Variants in LHPP observed in about 807,000 individuals in gnomAD.
LHPP encodes phospholysine phosphohistidine inorganic pyrophosphate phosphatase, also known as hLHPP.
In LHPP, 24 loss-of-function variants were observed where a neutral mutation model predicts 30.3. That is an observed-to-expected ratio of 0.79 (90% CI 0.57 to 1.11). The LOEUF is 1.11. LHPP is among the 50% of genes most tolerant of loss of function. The pLI is 0.00. For missense variants in LHPP, 356 were observed against 367.2 expected (o/e 0.97, Z 0.25); for synonymous variants, 150 against 157.1 (o/e 0.95, Z 0.34).
intron 1 of LHPP, among the ~76,000 whole-genome samples, chr10:124,472,040 A>C (rs932595999): frequency 2.0e-5 from 3 of 151,834 alleles, no homozygotes; most frequent in African/African-American, 7.2e-5. Context: ...GGCTGGGTGC[A>C]GTGGCTCACG....
intron 2 of LHPP, 149 bp from the exon 3 acceptor site, chr10:124,488,273 G>T: frequency 1.4e-6 from 1 of 718,992 alleles, no homozygotes; most frequent in South Asian, 1.7e-5. Flanking sequence ...ACCCTTCTGT[G>T]TCTACCTCCC....
At chr10:124,542,486 G>T (rs1268029706) in intron 6 of LHPP, among the ~76,000 whole-genome samples, 1 of 152,152 alleles carries the variant, frequency 6.6e-6, no homozygotes, top group African/African-American at 2.4e-5. Context: ...GGGTCTCCCT[G>T]GGACTGGAGA....
chr10:124,602,192 G>A (rs534567203), intron 6 of LHPP, among the ~76,000 whole-genome samples: 11 of 152,218 alleles, frequency 7.2e-5, no homozygotes, highest in Non-Finnish European at 1.3e-4. Flanking sequence ...CGAGGGAGAC[G>A]AACCAGGTTT....
At chr10:124,462,066 G>C in intron 1 of LHPP, 79 bp downstream of exon 1, 18 of 1,142,604 alleles carry the variant, frequency 1.6e-5, no homozygotes, top group Non-Finnish European at 1.7e-5. Context: ...AGGGGGCGGG[G>C]CGGCAGGGGG....
chr10:124,556,298 G>T (rs112462397), intron 6 of LHPP, among the ~76,000 whole-genome samples: 43 of 152,292 alleles, frequency 2.8e-4, no homozygotes, highest in South Asian at 1.9e-3. Context: ...GCTGTTTTGG[G>T]ACATCTCTTC....
intron 6 of LHPP, among the ~76,000 whole-genome samples, chr10:124,543,775 ATAT>A (rs1955263537): frequency 1.3e-5 from 1 of 78,956 alleles, no homozygotes; most frequent in African/African-American, 3.1e-5. Context: ...TTAAAAATTA[ATAT>A]ATTTTTTTTT....
chr10:124,599,557 C>T (rs1324196878), intron 6 of LHPP, among the ~76,000 whole-genome samples: 1 of 152,252 alleles, frequency 6.6e-6, no homozygotes, highest in African/African-American at 2.4e-5. Flanking sequence ...CAGCTGCCAG[C>T]CCTCCCCGCT....
At chr10:124,601,771 C>T (rs1949025592) in intron 6 of LHPP, among the ~76,000 whole-genome samples, 3 of 152,258 alleles carry the variant, frequency 2.0e-5, no homozygotes, top group African/African-American at 4.8e-5. Flanking sequence ...CCCCGCCAGG[C>T]CCCACTGCTC....
rs1954494584 is a variant in LHPP at position 124,517,672 on chromosome 10, G to A, written c.716+401G>A. ...CCTTGGACAGCCTCCCTCTCCTTTTGTTCACTTTCTCCACTCTGTAAGACA... is the reference window on the plus strand; with the variant it reads ...CCTTGGACAGCCTCCCTCTCCTTTTATTCACTTTCTCCACTCTGTAAGACA... On this transcript the variant is annotated intron_variant, in intron 6 of 6. Transcript: ENST00000368842. This position sits in a 1 kb window ranked among gnomAD's most constrained non-coding sequence, Gnocchi z 4.1. Among the ~76,000 whole-genome samples, 1 of 152,152 alleles carries A rather than the reference G, an allele frequency of 6.6e-6. No individual in the cohort carries two copies. The highest frequency in any genetic ancestry group is 6.5e-5 in the Admixed American group (1 of 15,282).
rs531170383 is a variant in LHPP at position 124,535,542 on chromosome 10, C to T, written c.716+18271C>T. 2.8e-3 allele frequency among the ~76,000 whole-genome samples: 422 copies of T among 152,082 alleles called. 1 individual carries two copies. Among genetic ancestry groups the T allele is most frequent in the African/African-American group, 9.9e-3 (412 of 41,460 alleles). ...TCCCAAGTAGCCGGGACTATAGGCA[C>T]ATGCCACAATGCCTGGCTAATTAAA... On this transcript the variant is annotated intron_variant, in intron 6 of 6. Transcript: ENST00000368842.
chr10:124,601,011 C>T (rs1299548224), intron 6 of LHPP, among the ~76,000 whole-genome samples: 1 of 152,138 alleles, frequency 6.6e-6, no homozygotes, highest in African/African-American at 2.4e-5. Context: ...GCAGAGTGGG[C>T]ACCTAACTGA....
intron 6 of LHPP, among the ~76,000 whole-genome samples, chr10:124,530,777 C>A (rs1284464142): frequency 1.3e-5 from 2 of 152,234 alleles, no homozygotes; most frequent in African/African-American, 2.4e-5. Flanking sequence ...TGCCACCCTT[C>A]ACGGGTGCAG....
At chr10:124,552,212 G>A (rs1403529130) in intron 6 of LHPP, among the ~76,000 whole-genome samples, 1 of 152,128 alleles carries the variant, frequency 6.6e-6, no homozygotes, top group African/African-American at 2.4e-5. Flanking sequence ...GGTGCACCAG[G>A]CACTCTGCTA....
In LHPP at chr10:124,613,741, A is replaced by C; in HGVS notation, c.*381A>C. 1.1e-5 allele frequency: 3 copies of C among 263,722 alleles called. No individual in the cohort carries two copies. Among genetic ancestry groups the C allele is most frequent in the Non-Finnish European group, 2.2e-5 (3 of 135,294 alleles). 16.3% of individuals were successfully genotyped at this position (263,722 alleles called of 1,614,324 possible). ...CTTTAAATGCAGTAAACTCCACCTA[A>C]CCAGATTCAGGGGCACTATGCCCAC... On this transcript the variant is annotated 3_prime_UTR_variant, in exon 7 of 7. Transcript: ENST00000368842.
chr10:124,604,568 C>A (rs927107626), intron 6 of LHPP, among the ~76,000 whole-genome samples: 2 of 152,194 alleles, frequency 1.3e-5, no homozygotes, highest in African/African-American at 4.8e-5. Context: ...CTGGTGAACA[C>A]CCTTCTAGAA....
At chr10:124,498,389 T>A (rs1022964850) in intron 5 of LHPP, 1 of 1,551,068 alleles carries the variant, frequency 6.4e-7, no homozygotes, top group Admixed American at 2.0e-5. Flanking sequence ...TTTTTGCTGC[T>A]TCTCTGAAAG....
intron 6 of LHPP, among the ~76,000 whole-genome samples, chr10:124,555,311 G>A (rs1589861109): frequency 1.3e-5 from 2 of 152,324 alleles, no homozygotes; most frequent in South Asian, 2.1e-4. Context: ...CAGGGCGAGT[G>A]AGCACTGTAG....
intron 6 of LHPP, among the ~76,000 whole-genome samples, chr10:124,530,343 C>A (rs993966538): frequency 1.3e-5 from 2 of 152,244 alleles, no homozygotes; most frequent in African/African-American, 4.8e-5. Context: ...ACAGGCCGGG[C>A]CTGCTGGAGC....
At chr10:124,589,805 C>T (rs1026997081) in intron 6 of LHPP, among the ~76,000 whole-genome samples, 1 of 152,208 alleles carries the variant, frequency 6.6e-6, no homozygotes, top group Non-Finnish European at 1.5e-5. Context: ...CCTGGTGCCG[C>T]AGCCCCTCTG....
Sources: gnomAD v4.1 joint callset for allele counts (sites outside exome capture counted in the v4.1 genomes callset) on GRCh38, gnomAD v4.1.1 for gene constraint, Gnocchi (gnomAD v3.1) non-coding constraint, MANE v1.5 for transcripts, NCBI Gene and HGNC (gene_info 2026-07-23, HGNC 2026-07-21) for gene names.